The following CYP2C18 variants were observed in gnomAD, a reference collection of about 807,000 sequenced individuals.
CYP2C18 encodes the protein cytochrome P450 family 2 subfamily C member 18.
A neutral mutation model predicts 41.3 loss-of-function variants in CYP2C18; 38 were observed. That is an observed-to-expected ratio of 0.92 (90% CI 0.71 to 1.21). The LOEUF (loss-of-function observed/expected upper bound fraction) is 1.21, where lower values mean the gene tolerates loss of function less well. CYP2C18 is among the 50% of genes most tolerant of loss of function. CYP2C18 has a pLI of 0.00. For missense variants in CYP2C18, 635 were observed against 591.4 expected, an observed-to-expected ratio of 1.07 and a Z score of -0.77; for synonymous variants, 236 against 210.0, an observed-to-expected ratio of 1.12 and a Z score of -1.07.
chr10:94,696,529 A>G (rs1352780191), intron 4 of CYP2C18, among the ~76,000 whole-genome samples: 2 of 152,204 alleles, frequency 1.3e-5, no homozygotes, highest in African/African-American at 4.8e-5. Context: ...AAAGATGGGG[A>G]AAAAACAGAG....
intron 6 of CYP2C18, among the ~76,000 whole-genome samples, chr10:94,721,168 A>G (rs1847639477): frequency 1.3e-5 from 2 of 151,878 alleles, no homozygotes; most frequent in Non-Finnish European, 2.9e-5. Flanking sequence ...TGTACCCACC[A>G]CACCTGGCTA....
chr10:94,702,988 C>T (rs747394310), intron 4 of CYP2C18, among the ~76,000 whole-genome samples: 1 of 152,160 alleles, frequency 6.6e-6, no homozygotes, highest in African/African-American at 2.4e-5. Context: ...AACAGTCAGG[C>T]CCCTCTTCTG....
At chr10:94,701,295 A>T (rs1847238902) in intron 4 of CYP2C18, among the ~76,000 whole-genome samples, 3 of 152,232 alleles carry the variant, frequency 2.0e-5, no homozygotes, top group Admixed American at 2.0e-4. Context: ...AGCCATAAAA[A>T]ATGATGAGTT....
At chr10:94,734,713 A>G (rs1220153338) in intron 8 of CYP2C18, among the ~76,000 whole-genome samples, 2 of 152,188 alleles carry the variant, frequency 1.3e-5, no homozygotes, top group Non-Finnish European at 2.9e-5. Flanking sequence ...GGAGTGATAT[A>G]GAACATCAGA....
At chr10:94,723,256 C>T (rs1317237197) in intron 6 of CYP2C18, among the ~76,000 whole-genome samples, 1 of 152,080 alleles carries the variant, frequency 6.6e-6, no homozygotes, top group Admixed American at 6.6e-5. Context: ...CAGGGGAAAT[C>T]ATGGGCTGCA....
chr10:94,703,992 C>G (rs1847291159), intron 4 of CYP2C18, among the ~76,000 whole-genome samples: 1 of 152,176 alleles, frequency 6.6e-6, no homozygotes, highest in Non-Finnish European at 1.5e-5. Flanking sequence ...GGGAGTTCCC[C>G]AACCCGTTGT....
At chr10:94,734,686 G>A (rs1188877277) in intron 8 of CYP2C18, among the ~76,000 whole-genome samples, 1 of 152,130 alleles carries the variant, frequency 6.6e-6, no homozygotes, top group Non-Finnish European at 1.5e-5. Context: ...TGAGAGTGGA[G>A]GAGATGAAGA....
chr10:94,711,561 C>T, intron 5 of CYP2C18, among the ~76,000 whole-genome samples: 1 of 152,056 alleles, frequency 6.6e-6, no homozygotes. Context: ...GTGCACATCA[C>T]CATGCCCAGA....
intron 5 of CYP2C18, among the ~76,000 whole-genome samples, chr10:94,711,539 T>G (rs1305948775): frequency 1.3e-5 from 2 of 151,746 alleles, no homozygotes; most frequent in African/African-American, 4.8e-5. Context: ...TCCCCAGTAG[T>G]TGGGACTGCA....
At chr10:94,687,298 G>A (rs1026720213) in intron 1 of CYP2C18, among the ~76,000 whole-genome samples, 1 of 151,836 alleles carries the variant, frequency 6.6e-6, no homozygotes. Flanking sequence ...CAGGACTCCT[G>A]CATCAGGATC....
At chr10:94,716,240 G>T (rs904422267) in intron 5 of CYP2C18, among the ~76,000 whole-genome samples, 1 of 152,050 alleles carries the variant, frequency 6.6e-6, no homozygotes, top group Admixed American at 6.6e-5. Context: ...GAATGGGTTT[G>T]CTCTTGCTTC....
At chr10:94,698,930 A>G (rs1053117303) in intron 4 of CYP2C18, among the ~76,000 whole-genome samples, 22 of 152,226 alleles carry the variant, frequency 1.4e-4, no homozygotes, top group Non-Finnish European at 3.1e-4. Flanking sequence ...ATAAACCAGG[A>G]AGAAGTTGAA....
intron 3 of CYP2C18, among the ~76,000 whole-genome samples, chr10:94,693,113 T>G (rs1043537579): frequency 6.6e-6 from 1 of 152,116 alleles, no homozygotes; most frequent in African/African-American, 2.4e-5. Context: ...CGTATACATA[T>G]GTAACAAACC....
chr10:94,697,072 G>C (rs1474433552), intron 4 of CYP2C18, among the ~76,000 whole-genome samples: 3 of 152,182 alleles, frequency 2.0e-5, no homozygotes, highest in African/African-American at 7.2e-5. Flanking sequence ...TATTATCCAG[G>C]AGAACTTCCC....
intron 4 of CYP2C18, among the ~76,000 whole-genome samples, chr10:94,696,412 T>A (rs1465600529): frequency 6.6e-6 from 1 of 152,182 alleles, no homozygotes; most frequent in African/African-American, 2.4e-5. Flanking sequence ...GACCTGCAGC[T>A]GAGGGTCTTG....
chr10:94,724,533 G>T lies in CYP2C18; in HGVS notation c.1149G>T (p.Lys383Asn). ...DVKFKNYLIPKGTTIITSLTS... is the reference protein window; with the variant it reads ...DVKFKNYLIPNGTTIITSLTS... ...AATTCAAAAACTACCTCATCCCCAAGGTAAGCTTGTTTCTCCTACACTACA... is the reference window on the plus strand; with the variant it reads ...AATTCAAAAACTACCTCATCCCCAATGTAAGCTTGTTTCTCCTACACTACA... Residue 383 changes from lysine to asparagine, a missense_variant and splice_region_variant, in exon 7 of 9, where the codon AAG (lysine) becomes AAT (asparagine). Physicochemically the swap from Lys to Asn is moderately conservative, Grantham distance 94. Transcript: ENST00000285979. 3 of 1,613,008 alleles carry T rather than the reference G, an allele frequency of 1.9e-6. No homozygotes were observed. The highest frequency in any genetic ancestry group is 2.5e-6 in the Non-Finnish European group (3 of 1,179,302).
In CYP2C18 at chr10:94,724,331, C is replaced by T. The variant is rs1847697879; in HGVS notation, c.962-15C>T. 1 of 1,612,440 alleles carries T rather than the reference C, an allele frequency of 6.2e-7. No individual in the cohort carries two copies. On this transcript the variant is annotated splice_polypyrimidine_tract_variant and intron_variant, in intron 6 of 8. Transcript: ENST00000285979. ...TTTCCTCCTTTTCCATCATTTCTTA[C>T]TTGTGTCTTATCAGCTAAAGTCCAG...
chr10:94,683,883 C>A lies in CYP2C18; in HGVS notation c.64C>A (p.Gln22Lys). The A allele has an allele frequency of 6.2e-7, 1 of 1,611,434 alleles. No homozygotes were observed. The highest frequency in any genetic ancestry group is 8.5e-7 in the Non-Finnish European group (1 of 1,178,696). ...SCLFLLSLWR[Q>K]SSGRGRLPSG... ...TTTGTTTCTCCTTTCACTCTGGAGG[C>A]AGAGCTCTGGAAGAGGGAGGCTCCC... The change falls in exon 1 of 9, where the codon CAG becomes AAG. Residue 22 changes from glutamine (Q) to lysine (K), a missense_variant. By Grantham distance (53) the Gln-to-Lys change is moderately conservative. Transcript: ENST00000285979.
chr10:94,733,519 T>C, intron 8 of CYP2C18, 81 bp downstream of exon 8: 1 of 1,577,936 alleles, frequency 6.3e-7, no homozygotes, highest in Non-Finnish European at 8.6e-7. Flanking sequence ...TGATGCCACC[T>C]CTGAGGTTTG....
Sources: allele counts gnomAD v4.1 joint callset (sites outside exome capture counted in the v4.1 genomes callset), GRCh38; gene constraint gnomAD v4.1.1; transcripts MANE v1.5; gene names NCBI Gene and HGNC (gene_info 2026-07-23, HGNC 2026-07-21).